DSG2: variants seen among roughly 807,000 people sequenced by gnomAD.
DSG2 encodes desmoglein-2.
In DSG2, 45 loss-of-function variants were observed where a neutral mutation model predicts 75.6. The ratio of observed to expected loss-of-function variants is 0.60; its 90% confidence interval spans 0.47 to 0.76. The LOEUF (loss-of-function observed/expected upper bound fraction) is 0.76, where lower values mean the gene tolerates loss of function less well. Ranked by LOEUF, DSG2 falls within the 30% of genes least tolerant of loss-of-function variation. The probability of loss-of-function intolerance (pLI) is 0.00; values close to 1 mark genes in which losing one functional copy is unlikely to be tolerated. For synonymous variants in DSG2, 429 were observed against 483.9 expected, an observed-to-expected ratio of 0.89 and a Z score of 1.49; for missense variants, 1,267 against 1,357.4, an observed-to-expected ratio of 0.93 and a Z score of 1.05.
chr18:31,531,681 G>A (rs899286795), intron 9 of DSG2, among the ~76,000 whole-genome samples: 1 of 152,154 alleles, frequency 6.6e-6, no homozygotes, highest in Non-Finnish European at 1.5e-5. Flanking sequence ...TTTACTTAAC[G>A]CATATATCTT....
chr18:31,518,336 A>G (rs2073105971), intron 2 of DSG2, 62 bp downstream of exon 2: 2 of 1,399,072 alleles, frequency 1.4e-6, no homozygotes, highest in South Asian at 2.3e-5. Context: ...CATGGCAAAC[A>G]GGTTGACTGG....
intron 12 of DSG2, among the ~76,000 whole-genome samples, chr18:31,539,742 C>G (rs2078871072): frequency 6.6e-6 from 1 of 152,230 alleles, no homozygotes; most frequent in South Asian, 2.1e-4. Flanking sequence ...AACCCCCAGG[C>G]TACAGACCAG....
chr18:31,532,752 C>G (rs1027759101), intron 9 of DSG2, among the ~76,000 whole-genome samples: 1 of 152,150 alleles, frequency 6.6e-6, no homozygotes, highest in African/African-American at 2.4e-5. Flanking sequence ...GTATACCCAA[C>G]TGAATTTACA....
At chr18:31,506,223 C>T (rs1388124096) in intron 1 of DSG2, among the ~76,000 whole-genome samples, 2 of 152,184 alleles carry the variant, frequency 1.3e-5, no homozygotes, top group Non-Finnish European at 2.9e-5. Context: ...CCAGAGGCAT[C>T]ATCGTGAATT....
intron 1 of DSG2, among the ~76,000 whole-genome samples, chr18:31,512,944 A>C (rs988818334): frequency 2.0e-5 from 3 of 152,228 alleles, no homozygotes; most frequent in Admixed American, 6.5e-5. Flanking sequence ...AATTAATTCA[A>C]ACTTGCAGAA....
intron 1 of DSG2, among the ~76,000 whole-genome samples, chr18:31,517,708 G>C (rs2073101910): frequency 1.3e-5 from 2 of 152,178 alleles, no homozygotes; most frequent in East Asian, 3.8e-4. Context: ...AAGTGTGACA[G>C]TGCCTATGAA....
chr18:31,533,103 G>A (rs2073208093), intron 9 of DSG2, among the ~76,000 whole-genome samples: 1 of 152,152 alleles, frequency 6.6e-6, no homozygotes, highest in Non-Finnish European at 1.5e-5. Flanking sequence ...TTACAGATAA[G>A]GAATGGAGGC....
At chr18:31,511,318 C>A (rs997178099) in intron 1 of DSG2, among the ~76,000 whole-genome samples, 1 of 152,170 alleles carries the variant, frequency 6.6e-6, no homozygotes, top group Non-Finnish European at 1.5e-5. Context: ...ATCTCCCCTA[C>A]CTCGAGCCCC....
In DSG2 at chr18:31,538,402, T is replaced by A. The variant is rs539454894; in HGVS notation, c.1652-349T>A. Among the ~76,000 whole-genome samples, 67 of 152,220 alleles carry A rather than the reference T, an allele frequency of 4.4e-4. No homozygotes were observed. The South Asian group carries it at 6.8e-3, about 16-fold the overall frequency. ...AAATTGCCTTAATGAAGTTTTTTTT[T>A]AAAGAAATGGTAAAATAAAGGTCAT... On this transcript the variant is annotated intron_variant, in intron 11 of 14. Coordinates refer to ENST00000261590, the MANE Select transcript of DSG2 (RefSeq NM_001943.5).
chr18:31,543,042 G>A (rs2073280634), intron 14 of DSG2, 190 bp downstream of exon 14: 1 of 528,020 alleles, frequency 1.9e-6, no homozygotes, highest in East Asian at 3.0e-5. Flanking sequence ...GTCGGTGTTA[G>A]CTAAATTATG....
rs137999050 is a variant in DSG2, at chr18:31,545,687, GT to G, written c.2335-30del. The G allele has an allele frequency of 2.7e-3, 4,283 of 1,606,996 alleles. 99 individuals carry two copies. The African/African-American group carries it at 0.05, about 19-fold the overall frequency. ...AATTTATATTGCTAATTATTTGTCT[GT>G]TTTGTGTTTGTTTTGTTTTGTTTTC... is the stretch of plus-strand genomic sequence containing the variant. On this transcript the variant is annotated intron_variant, in intron 14 of 14. Coordinates refer to ENST00000261590, the MANE Select transcript of DSG2 (RefSeq NM_001943.5).
At chr18:31,502,745 T>C (rs568696867) in intron 1 of DSG2, among the ~76,000 whole-genome samples, 1 of 149,384 alleles carries the variant, frequency 6.7e-6, no homozygotes, top group African/African-American at 2.5e-5. Context: ...AGGGAGACTC[T>C]GTCAAAAAAA....
chr18:31,526,961 T>C (rs2073166502), intron 8 of DSG2, among the ~76,000 whole-genome samples: 1 of 152,202 alleles, frequency 6.6e-6, no homozygotes. Flanking sequence ...AAGTTTCATT[T>C]TTTTTTAAAT....
chr18:31,542,954 T>G (rs2073279632), intron 14 of DSG2, 102 bp downstream of exon 14: 1 of 968,300 alleles, frequency 1.0e-6, no homozygotes, highest in Non-Finnish European at 1.4e-6. Flanking sequence ...CAAATGAGAC[T>G]TTGGGTTTTT....
chr18:31,543,862 T>A (rs2073286234), intron 14 of DSG2, among the ~76,000 whole-genome samples: 1 of 120,354 alleles, frequency 8.3e-6, no homozygotes. Flanking sequence ...TGAAACTCTG[T>A]CTAAAAAAAA....
At chr18:31,537,684 G>A (rs959885423) in intron 11 of DSG2, among the ~76,000 whole-genome samples, 4 of 151,904 alleles carry the variant, frequency 2.6e-5, no homozygotes, top group Non-Finnish European at 1.5e-5. Context: ...CAAATACACT[G>A]AGTTGTATAT....
intron 9 of DSG2, among the ~76,000 whole-genome samples, chr18:31,533,260 G>C (rs2073208926): frequency 6.6e-6 from 1 of 152,150 alleles, no homozygotes; most frequent in Admixed American, 6.6e-5. Context: ...CTTGAGGCCA[G>C]GAGTTCAAGA....
intron 1 of DSG2, among the ~76,000 whole-genome samples, chr18:31,506,364 T>G (rs1157211689): frequency 6.6e-6 from 1 of 152,228 alleles, no homozygotes; most frequent in Non-Finnish European, 1.5e-5. Context: ...AAGATTTACC[T>G]CATTTCAGAG....
At position 31,545,844 on chromosome 18, in the gene DSG2, G is replaced by C; in HGVS notation, c.2458G>C (p.Glu820Gln). 1 of 1,614,152 alleles carries C rather than the reference G, an allele frequency of 6.2e-7. No individual in the cohort carries two copies. The highest frequency in any genetic ancestry group is 8.5e-7 in the Non-Finnish European group (1 of 1,180,018). The change falls in exon 15 of 15, where the codon GAG becomes CAG. Residue 820 changes from glutamate to glutamine, a missense_variant. Transcript: ENST00000261590. ...SIGCCSFIEG[E>Q]LDDRFLDDLG... ...TGGTTGTTGCAGTTTTATTGAAGGA[G>C]AGCTAGATGACCGCTTCTTAGATGA...
Sources: gnomAD v4.1 joint callset for allele counts (sites outside exome capture counted in the v4.1 genomes callset) on GRCh38, gnomAD v4.1.1 for gene constraint, MANE v1.5 for transcripts, NCBI Gene and HGNC (gene_info 2026-07-23, HGNC 2026-07-21) for gene names.